The following SLC25A13 variants were observed in gnomAD, a reference collection of about 807,000 sequenced individuals.
SLC25A13 encodes the protein electrogenic aspartate/glutamate antiporter SLC25A13, mitochondrial.
SLC25A13 carries 70 observed loss-of-function variants against 85.5 expected under a neutral mutation model. The observed-to-expected ratio is 0.82, with a 90% confidence interval of 0.68 to 1.00. The LOEUF (loss-of-function observed/expected upper bound fraction) is 1.00, where lower values mean the gene tolerates loss of function less well. Ranked by LOEUF, SLC25A13 falls within the 50% of genes least tolerant of loss-of-function variation. The pLI is 0.00. For synonymous variants in SLC25A13, 259 were observed against 288.7 expected (o/e 0.90, Z 1.04); for missense variants, 765 against 819.8 (o/e 0.93, Z 0.82).
intron 4 of SLC25A13, among the ~76,000 whole-genome samples, chr7:96,222,467 G>T (rs934160749): frequency 6.6e-6 from 1 of 152,122 alleles, no homozygotes; most frequent in Non-Finnish European, 1.5e-5. Flanking sequence ...TTATTTTTGA[G>T]ACAGAATATT....
chr7:96,277,355 A>T lies in SLC25A13; in HGVS notation c.70-17T>A, dbSNP rs1487072698. On this transcript the variant is annotated splice_polypyrimidine_tract_variant and intron_variant, in intron 2 of 17. Coordinates refer to ENST00000265631, the MANE Select transcript of SLC25A13 (RefSeq NM_014251.3). ...GCTTGCATACTGTTTAAAAAAAAGA[A>T]AAACAGTATTTTATATATTTGATTT... 1.2e-6 allele frequency: 2 copies of T among 1,602,624 alleles called. No individual in the cohort carries two copies. Among genetic ancestry groups the T allele is most frequent in the Middle Eastern group, 3.3e-4 (2 of 5,974 alleles).
At chr7:96,229,039 C>T (rs1796426332) in intron 4 of SLC25A13, among the ~76,000 whole-genome samples, 1 of 152,196 alleles carries the variant, frequency 6.6e-6, no homozygotes, top group African/African-American at 2.4e-5. Flanking sequence ...ACGGGTGCCG[C>T]CCCCTGCTCC....
intron 13 of SLC25A13, among the ~76,000 whole-genome samples, chr7:96,151,303 A>C (rs1199937482): frequency 6.6e-6 from 1 of 152,196 alleles, no homozygotes; most frequent in African/African-American, 2.4e-5. Context: ...TAAGAGTTCT[A>C]TAAGAATTCT....
At chr7:96,229,926 C>T (rs1796473541) in intron 4 of SLC25A13, among the ~76,000 whole-genome samples, 1 of 152,170 alleles carries the variant, frequency 6.6e-6, no homozygotes, top group Admixed American at 6.5e-5. Flanking sequence ...TCCAGACACA[C>T]CATTACTTTG....
intron 3 of SLC25A13, among the ~76,000 whole-genome samples, chr7:96,259,437 C>T (rs150378760): frequency 2.8e-4 from 42 of 152,166 alleles, no homozygotes; most frequent in African/African-American, 8.4e-4. Context: ...CATTTATCAT[C>T]CAACAAACAT....
chr7:96,147,105 CGTATCCAAATGAGGAGACACAG>C (rs1562794002), intron 13 of SLC25A13, among the ~76,000 whole-genome samples: 64 of 128,238 alleles, frequency 5.0e-4, no homozygotes, highest in Non-Finnish European at 8.0e-4. Flanking sequence ...AGACACAGAA[CGTATCCAAATGAGGAGACACAG>C]AACAGAACGG....
At chr7:96,313,440 A>G (rs1442769619) in intron 1 of SLC25A13, among the ~76,000 whole-genome samples, 1 of 152,236 alleles carries the variant, frequency 6.6e-6, no homozygotes, top group Non-Finnish European at 1.5e-5. Context: ...ATATAAAAAG[A>G]ACAAAATCAT....
chr7:96,231,037 G>A (rs1390861394), intron 4 of SLC25A13, among the ~76,000 whole-genome samples: 1 of 152,116 alleles, frequency 6.6e-6, no homozygotes, highest in African/African-American at 2.4e-5. Flanking sequence ...CTTGAGCCTG[G>A]TAAGCAGAGG....
chr7:96,218,840 C>A (rs1054575106), intron 4 of SLC25A13, among the ~76,000 whole-genome samples: 1 of 152,128 alleles, frequency 6.6e-6, no homozygotes, highest in African/African-American at 2.4e-5. Flanking sequence ...CAGTTTCATG[C>A]TTTTTCTAAT....
At chr7:96,144,939 A>G (rs1216312807) in intron 14 of SLC25A13, among the ~76,000 whole-genome samples, 6 of 152,194 alleles carry the variant, frequency 3.9e-5, no homozygotes, top group Non-Finnish European at 7.3e-5. Flanking sequence ...GACTCCTGGC[A>G]TCTTGTCAAA....
At position 96,277,338 on chromosome 7, in the gene SLC25A13, A is replaced by G. The variant is rs772019460; in HGVS notation, c.70T>C (p.Tyr24His). Reference protein sequence around the residue: ...PAELRTIFLKYASIEKNGEFF... With the variant: ...PAELRTIFLKHASIEKNGEFF... ...TCACCGTTTTTCTCAATGCTTGCATACTGTTTAAAAAAAAGAAAAACAGTA... is the reference window on the plus strand; with the variant it reads ...TCACCGTTTTTCTCAATGCTTGCATGCTGTTTAAAAAAAAGAAAAACAGTA... The change falls in exon 3 of 18, where the codon TAT becomes CAT. Residue 24 changes from tyrosine (Y) to histidine (H), a missense_variant and splice_region_variant. By Grantham distance (83) the Tyr-to-His change is moderately conservative. Transcript: ENST00000265631. 6.2e-6 allele frequency: 10 copies of G among 1,611,058 alleles called. No individual in the cohort carries two copies. In the Admixed American group the frequency reaches 1.7e-4, roughly 27 times the overall value.
intron 2 of SLC25A13, among the ~76,000 whole-genome samples, chr7:96,286,133 A>T (rs1446361928): frequency 6.6e-6 from 1 of 151,756 alleles, no homozygotes; most frequent in Non-Finnish European, 1.5e-5. Flanking sequence ...AAATGCAAAA[A>T]ATTACCCGGG....
intron 2 of SLC25A13, among the ~76,000 whole-genome samples, chr7:96,292,505 G>A (rs1799167007): frequency 6.6e-6 from 1 of 152,170 alleles, no homozygotes; most frequent in South Asian, 2.1e-4. Flanking sequence ...GTTTGCAGAT[G>A]ACATGATTGT....
intron 3 of SLC25A13, among the ~76,000 whole-genome samples, chr7:96,259,519 G>T (rs550906557): frequency 7.2e-5 from 11 of 152,064 alleles, no homozygotes; most frequent in African/African-American, 1.7e-4. Flanking sequence ...ACCATCTCAC[G>T]CCAGTTAGAA....
chr7:96,256,763 T>C lies in SLC25A13; in HGVS notation c.212+20433A>G, dbSNP rs530599911. Among the ~76,000 whole-genome samples, 4 of 152,224 alleles carry C rather than the reference T, an allele frequency of 2.6e-5. No individual in the cohort carries two copies. The South Asian group carries it at 8.3e-4, about 32-fold the overall frequency. On this transcript the variant is annotated intron_variant, in intron 3 of 17. Transcript: ENST00000265631. ...CTCTCCACCCCAAATCAAAAGAATA[T>C]ACCTTCTTCTCAGCACCACATAGCA...
At chr7:96,154,251 A>C (rs1217277247) in intron 13 of SLC25A13, among the ~76,000 whole-genome samples, 1 of 151,856 alleles carries the variant, frequency 6.6e-6, no homozygotes, top group Non-Finnish European at 1.5e-5. Flanking sequence ...GACTAGATAA[A>C]TGGAAAGATC....
At chr7:96,309,478 G>A (rs890476960) in intron 1 of SLC25A13, 2 of 152,130 alleles carry the variant, frequency 1.3e-5, no homozygotes, top group Non-Finnish European at 2.9e-5. Flanking sequence ...TACTTTGTTG[G>A]GGGATGGAGA....
chr7:96,128,186 T>C (rs972910351), intron 15 of SLC25A13, among the ~76,000 whole-genome samples: 4 of 152,256 alleles, frequency 2.6e-5, no homozygotes, highest in Admixed American at 1.3e-4. Context: ...CTAATCTTTT[T>C]TCCTAATTCT....
intron 11 of SLC25A13, among the ~76,000 whole-genome samples, chr7:96,172,053 G>A (rs1794025493): frequency 6.6e-6 from 1 of 151,956 alleles, no homozygotes; most frequent in Non-Finnish European, 1.5e-5. Context: ...AGAGGTTCAT[G>A]GTAATATTCT....
Sources: gnomAD v4.1 joint callset for allele counts (sites outside exome capture counted in the v4.1 genomes callset) on GRCh38, gnomAD v4.1.1 for gene constraint, MANE v1.5 for transcripts, NCBI Gene and HGNC (gene_info 2026-07-23, HGNC 2026-07-21) for gene names.